Variants in PRDM10 observed in about 807,000 individuals in gnomAD.
PRDM10 encodes the protein PR domain zinc finger protein 10.
Under a neutral mutation model 133.1 loss-of-function variants are expected in PRDM10, and 65 were observed. That is an observed-to-expected ratio of 0.49 (90% CI 0.40 to 0.60). The LOEUF is 0.60. PRDM10 is among the 20% of genes least tolerant of loss of function. PRDM10 has a pLI of 0.00. For missense variants in PRDM10, 1,137 were observed against 1,507.1 expected, an observed-to-expected ratio of 0.75 and a Z score of 4.07; for synonymous variants, 582 against 580.4, an observed-to-expected ratio of 1.00 and a Z score of -0.04.
In PRDM10 at chr11:129,935,134, T is replaced by C. The variant is rs754733852; in HGVS notation, c.1124A>G (p.Asn375Ser). 15 of 1,613,882 alleles carry C rather than the reference T, an allele frequency of 9.3e-6. No homozygotes were observed. Among genetic ancestry groups the C allele is most frequent in the South Asian group, 3.3e-5 (3 of 91,076 alleles). Residue 375 changes from asparagine (N) to serine (S), a missense_variant, in exon 9 of 21, where the codon AAT becomes AGT. By Grantham distance (46) the Asn-to-Ser change is conservative (BLOSUM62 1). Transcript: ENST00000360871. ...ISSEQLQQHL[N>S]SHDEKLDVFS... The stretch of plus-strand genomic sequence containing the variant: ...CACATCTAGTTTCTCATCATGAGAA[T>C]TGAGATGCTGTTGCAACTGCTCCGA...
chr11:129,910,445 G>T (rs368544263), intron 19 of PRDM10, 31 bp downstream of exon 19: 2 of 1,612,570 alleles, frequency 1.2e-6, no homozygotes, highest in South Asian at 2.2e-5. Context: ...CCCCACCCCT[G>T]ACCGACACGG....
At chr11:129,982,055 C>G (rs1938141940) in intron 1 of PRDM10, among the ~76,000 whole-genome samples, 2 of 151,812 alleles carry the variant, frequency 1.3e-5, no homozygotes, top group Non-Finnish European at 2.9e-5. Context: ...CTTGGGAGTT[C>G]AAAACCAGAC....
At chr11:129,959,810 A>C (rs1049807924) in intron 2 of PRDM10, among the ~76,000 whole-genome samples, 1 of 151,982 alleles carries the variant, frequency 6.6e-6, no homozygotes, top group Admixed American at 6.6e-5. Flanking sequence ...ACAGGGTCTC[A>C]TTCTGTCACC....
In PRDM10 at chr11:129,931,009, C is replaced by A; in HGVS notation, c.1530+7G>T. The A allele has an allele frequency of 6.3e-7, 1 of 1,595,848 alleles. No homozygotes were observed. Among genetic ancestry groups the A allele is most frequent in the Non-Finnish European group, 8.5e-7 (1 of 1,169,942 alleles). On this transcript the variant is annotated splice_region_variant and intron_variant, in intron 11 of 20. Transcript: ENST00000360871. Reference sequence around the variant, plus strand: ...GGTGCCAGGAGCCGCCGGCTTTCCCCACTTACTCGGATGCGCTTGGCTCTG... The same window carrying A: ...GGTGCCAGGAGCCGCCGGCTTTCCCAACTTACTCGGATGCGCTTGGCTCTG...
At chr11:129,980,242 C>T (rs1938029066) in intron 1 of PRDM10, among the ~76,000 whole-genome samples, 2 of 152,176 alleles carry the variant, frequency 1.3e-5, no homozygotes, top group African/African-American at 4.8e-5. Flanking sequence ...AAGACTTAGA[C>T]ACAACGTTTA....
chr11:129,925,643 T>C (rs1340677414), intron 11 of PRDM10, among the ~76,000 whole-genome samples: 1 of 152,198 alleles, frequency 6.6e-6, no homozygotes, highest in African/African-American at 2.4e-5. Flanking sequence ...AGTCAAATGT[T>C]ACTTGTTGAA....
At chr11:129,958,495 T>A (rs769064127) in intron 2 of PRDM10, among the ~76,000 whole-genome samples, 4 of 151,778 alleles carry the variant, frequency 2.6e-5, no homozygotes, top group Non-Finnish European at 5.9e-5. Flanking sequence ...AATACAAAAA[T>A]TAGCTGGGCA....
rs60735364 is a variant in PRDM10 at position 129,980,861 on chromosome 11, G to GTTT, written c.-118-19782_-118-19780dup. On this transcript the variant is annotated intron_variant, in intron 1 of 20. Transcript: ENST00000360871. ...ATAGCTAAAGGGTATGACATTTCTGGTTTTTTTTTTTTTTTTTTTTTTTTT... is the reference window on the plus strand; with the variant it reads ...ATAGCTAAAGGGTATGACATTTCTGGTTTTTTTTTTTTTTTTTTTTTTTTTTTT... 2.4e-4 allele frequency among the ~76,000 whole-genome samples: 25 copies of GTTT among 102,150 alleles called. No individual in the cohort carries two copies. In the South Asian group the frequency reaches 2.5e-3, roughly 10 times the overall value. 67.0% of individuals were successfully genotyped at this position (102,150 alleles called of 152,430 possible). A position where few individuals can be genotyped will look rare whatever the true frequency, so the allele number is the denominator to read the frequency against.
Position 129,957,821 on chromosome 11 carries a change from T to C in PRDM10, c.159A>G (p.Ala53=). 6.2e-7 allele frequency: 1 copy of C among 1,614,244 alleles called. No homozygotes were observed. Among genetic ancestry groups the C allele is most frequent in the African/African-American group, 1.3e-5 (1 of 75,078 alleles). ...VRPPQQVVYT[A]DGASYTSVDG... ...CCACTGATGTGTAGGAGGCACCATC[T>C]GCCGTGTACACCACCTGCTGTGGGG... Residue 53 remains alanine, a synonymous_variant, in exon 3 of 21, where the codon GCA becomes GCG. Coordinates refer to ENST00000360871, the MANE Select transcript of PRDM10 (RefSeq NM_199437.2).
chr11:129,990,164 T>C (rs779284855), intron 1 of PRDM10, among the ~76,000 whole-genome samples: 2 of 151,754 alleles, frequency 1.3e-5, no homozygotes, highest in Non-Finnish European at 2.9e-5. Context: ...GCTAACATGG[T>C]GAAACTCCGT....
At position 129,961,075 on chromosome 11, in the gene PRDM10, C is replaced by A; in HGVS notation, c.-111G>T. The A allele has an allele frequency of 2.5e-6, 2 of 800,446 alleles. No homozygotes were observed. The highest frequency in any genetic ancestry group is 2.0e-5 in the South Asian group (1 of 49,864). The allele number at this position is 800,446 out of a possible 1,614,324, so 49.6% of individuals were successfully genotyped here. A position where few individuals can be genotyped will look rare whatever the true frequency, so the allele number is the denominator to read the frequency against. ...CATGAAGGACGGAAAGGTCTGTCTG[C>A]AGCATGCCTGAGAAAACACAGAAAA... is the stretch of plus-strand genomic sequence containing the variant. On this transcript the variant is annotated 5_prime_UTR_variant, in exon 2 of 21. Coordinates refer to ENST00000360871, the MANE Select transcript of PRDM10 (RefSeq NM_199437.2).
At chr11:129,913,497 G>T (rs1950257929) in intron 17 of PRDM10, among the ~76,000 whole-genome samples, 1 of 152,170 alleles carries the variant, frequency 6.6e-6, no homozygotes, top group Non-Finnish European at 1.5e-5. Context: ...TACATTTAAT[G>T]ATCTACCCTT....
At chr11:129,966,282 C>T (rs1951906101) in intron 1 of PRDM10, among the ~76,000 whole-genome samples, 1 of 152,086 alleles carries the variant, frequency 6.6e-6, no homozygotes, top group Non-Finnish European at 1.5e-5. Context: ...TCCAAATTAC[C>T]TGCCCTGCAT....
chr11:129,965,429 T>C (rs1951886576), intron 1 of PRDM10, among the ~76,000 whole-genome samples: 1 of 152,190 alleles, frequency 6.6e-6, no homozygotes, highest in South Asian at 2.1e-4. Context: ...GCAGGAGCCA[T>C]GTTACTGCTG....
chr11:130,002,394 C>G (rs1225926495), intron 1 of PRDM10, among the ~76,000 whole-genome samples: 1 of 152,094 alleles, frequency 6.6e-6, no homozygotes. Flanking sequence ...CTGAACGCGG[C>G]GCCAGGAGGG....
At chr11:129,922,428 A>T (rs1164598197) in intron 13 of PRDM10, among the ~76,000 whole-genome samples, 1 of 152,212 alleles carries the variant, frequency 6.6e-6, no homozygotes, top group African/African-American at 2.4e-5. Flanking sequence ...TTGTGCTGTT[A>T]TATATTCAAA....
intron 4 of PRDM10, among the ~76,000 whole-genome samples, chr11:129,952,681 T>A (rs780895810): frequency 6.6e-6 from 1 of 151,976 alleles, no homozygotes; most frequent in South Asian, 2.1e-4. Flanking sequence ...CATGCCTGGC[T>A]AATTTTTTTA....
chr11:129,996,892 GTTA>G (rs1372496890), intron 1 of PRDM10, among the ~76,000 whole-genome samples: 1 of 152,304 alleles, frequency 6.6e-6, no homozygotes, highest in Non-Finnish European at 1.5e-5. Context: ...GTTGATTACT[GTTA>G]TTATCCCTAG....
At chr11:129,992,930 T>C (rs1938831341) in intron 1 of PRDM10, among the ~76,000 whole-genome samples, 1 of 152,240 alleles carries the variant, frequency 6.6e-6, no homozygotes, top group Non-Finnish European at 1.5e-5. Flanking sequence ...AGTAATTGAA[T>C]CAGTATTATG....
Sources: allele counts gnomAD v4.1 joint callset (sites outside exome capture counted in the v4.1 genomes callset), GRCh38; gene constraint gnomAD v4.1.1; transcripts MANE v1.5; gene names NCBI Gene and HGNC (gene_info 2026-07-23, HGNC 2026-07-21).